The following JRK variants were observed in gnomAD, a reference collection of about 807,000 sequenced individuals.
JRK encodes jerky protein homolog.
For synonymous variants in JRK, 303 were observed against 218.1 expected, an observed-to-expected ratio of 1.39 and a Z score of -3.43; for missense variants, 720 against 509.2, an observed-to-expected ratio of 1.41 and a Z score of -3.98.
chr8:142,669,533 G>C (rs1000484877), intron 1 of JRK, among the ~76,000 whole-genome samples: 1 of 151,970 alleles, frequency 6.6e-6, no homozygotes, highest in Non-Finnish European at 1.5e-5. Context: ...AACAGAAATG[G>C]AGAAAAAAAA....
chr8:142,660,295 C>A lies in JRK; in HGVS notation c.*4057G>T. On this transcript the variant is annotated 3_prime_UTR_variant, in exon 2 of 2. Transcript: ENST00000612905. ...GCCCTGCCTCCCAGGCCACCACCCA[C>A]CCCTCACGGCTGCCACACCCACCAG... The A allele has an allele frequency of 1.1e-5, 11 of 985,734 alleles. No homozygotes were observed. Among genetic ancestry groups the A allele is most frequent in the Non-Finnish European group, 1.3e-5 (11 of 830,154 alleles). The allele number at this position is 985,734 out of a possible 1,614,324, so 61.1% of individuals were successfully genotyped here. A position where few individuals can be genotyped will look rare whatever the true frequency, so the allele number is the denominator to read the frequency against.
intron 1 of JRK, among the ~76,000 whole-genome samples, chr8:142,667,806 A>G (rs1310168245): frequency 1.3e-5 from 2 of 152,170 alleles, no homozygotes; most frequent in Admixed American, 1.3e-4. Context: ...ATATAAAGAC[A>G]ATGCGGGTCA....
downstream of JRK, among the ~76,000 whole-genome samples, chr8:142,657,098 T>C (rs1293724647): frequency 2.0e-5 from 3 of 152,200 alleles, no homozygotes; most frequent in African/African-American, 4.8e-5. Context: ...CTGGAAACTC[T>C]GCTCTCTCCT....
chr8:142,666,589 C>G, intron 1 of JRK, 69 bp from the exon 2 acceptor site: 1 of 208,830 alleles, frequency 4.8e-6, no homozygotes, highest in Non-Finnish European at 9.9e-6. Context: ...GTCCTCACGA[C>G]TCTCCTCACC....
At chr8:142,667,592 C>T (rs782771160) in intron 1 of JRK, among the ~76,000 whole-genome samples, 35 of 152,168 alleles carry the variant, frequency 2.3e-4, no homozygotes, top group Admixed American at 7.2e-4. Flanking sequence ...GACTAATTTA[C>T]GCCAGAAGCA....
rs587744464 is a variant in JRK at position 142,665,274 on chromosome 8, A to G, written c.785T>C (p.Val262Ala). The stretch of plus-strand genomic sequence containing the variant: ...CCAATCGGAAAAAATCTCCTTGTCC[A>G]CCCAGGCGTTCCCCTGGGCCTTATA... The part of the protein sequence containing the change: ...VAYKAQGNAW[V>A]DKEIFSDWFH... Residue 262 changes from valine (V) to alanine (A), a missense_variant, in exon 2 of 2, where the codon GTG becomes GCG. Coordinates refer to ENST00000612905, the MANE Select transcript of JRK (RefSeq NM_003724.4). The G allele has an allele frequency of 1.8e-5, 13 of 717,772 alleles. No individual in the cohort carries two copies. The African/African-American group carries it at 1.9e-4, about 11-fold the overall frequency. The allele number at this position is 717,772 out of a possible 1,614,324, so 44.5% of individuals were successfully genotyped here.
chr8:142,654,845 G>T (rs1846719698), downstream of JRK, among the ~76,000 whole-genome samples: 1 of 151,936 alleles, frequency 6.6e-6, no homozygotes, highest in South Asian at 2.1e-4. Flanking sequence ...CAGTGAAGAT[G>T]AGGCCAAGAG....
intron 1 of JRK, among the ~76,000 whole-genome samples, chr8:142,669,140 G>A (rs1382853943): frequency 6.6e-6 from 1 of 150,906 alleles, no homozygotes; most frequent in East Asian, 2.0e-4. Flanking sequence ...GGGGAAAGCG[G>A]GAAACAACCT....
downstream of JRK, among the ~76,000 whole-genome samples, chr8:142,652,584 A>T (rs1846686399): frequency 6.6e-6 from 1 of 151,544 alleles, no homozygotes. Context: ...TGAATAGGAG[A>T]CAGGGAGGGG....
downstream of JRK, among the ~76,000 whole-genome samples, chr8:142,653,049 T>C (rs1415718336): frequency 6.6e-6 from 1 of 152,200 alleles, no homozygotes; most frequent in Non-Finnish European, 1.5e-5. Flanking sequence ...TGAAGAGACC[T>C]CTGCAAAAAT....
chr8:142,664,589 C>T lies in JRK; in HGVS notation c.1470G>A (p.Ala490=), dbSNP rs587665250. Residue 490 remains alanine (A), a synonymous_variant, in exon 2 of 2, where the codon GCG becomes GCA. Transcript: ENST00000612905. Reference sequence around the variant, plus strand: ...GCAGGACTGCGTCAAAGGCCACGGCCGCCTGCTCCCAGGCCACCTCCTCGC... The same window carrying T: ...GCAGGACTGCGTCAAAGGCCACGGCTGCCTGCTCCCAGGCCACCTCCTCGC... ...GEGEEVAWEQ[A]AVAFDAVLRF... is the part of the protein sequence containing the mutation. 70 of 1,608,922 alleles carry T rather than the reference C, an allele frequency of 4.4e-5. No homozygotes were observed. In the East Asian group the frequency reaches 1.3e-3, roughly 31 times the overall value.
rs1399587996 is a variant in JRK at position 142,664,515 on chromosome 8, A to G, written c.1544T>C (p.Leu515Pro). 1 of 1,609,462 alleles carries G rather than the reference A, an allele frequency of 6.2e-7. No individual in the cohort carries two copies. The highest frequency in any genetic ancestry group is 8.5e-7 in the Non-Finnish European group (1 of 1,178,664). The change falls in exon 2 of 2, where the codon CTG becomes CCG. Residue 515 changes from leucine (L) to proline (P), a missense_variant. Coordinates refer to ENST00000612905, the MANE Select transcript of JRK (RefSeq NM_003724.4). Reference sequence around the variant, plus strand: ...CCGGAACACGGCACGCAGCGCCCGCAGCTGCCCCACTTCCTGCGCACTGAA... The same window carrying G: ...CCGGAACACGGCACGCAGCGCCCGCGGCTGCCCCACTTCCTGCGCACTGAA... ...PCFSAQEVGQLRALRAVFRSQ... is the reference protein window; with the variant it reads ...PCFSAQEVGQPRALRAVFRSQ...
In JRK at chr8:142,661,412, G is replaced by A. The variant is rs1292074716; in HGVS notation, c.*2940C>T. The A allele has an allele frequency of 1.1e-5, 11 of 985,330 alleles. No individual in the cohort carries two copies. Among genetic ancestry groups the A allele is most frequent in the South Asian group, 4.7e-5 (1 of 21,292 alleles). 61.0% of individuals were successfully genotyped at this position (985,330 alleles called of 1,614,324 possible). On this transcript the variant is annotated 3_prime_UTR_variant, in exon 2 of 2. Transcript: ENST00000612905. ...CTGTCCCGAGTGAGGACACAGGAGCGCCCTCAGGCCTGAGCACTCAGGGGT... is the reference window on the plus strand; with the variant it reads ...CTGTCCCGAGTGAGGACACAGGAGCACCCTCAGGCCTGAGCACTCAGGGGT...
downstream of JRK, among the ~76,000 whole-genome samples, chr8:142,656,762 G>C (rs1846761388): frequency 6.6e-6 from 1 of 152,168 alleles, no homozygotes; most frequent in Admixed American, 6.5e-5. Context: ...GTTTGGGGTG[G>C]GGACAACGCT....
Position 142,658,985 on chromosome 8 carries a change from G to C in JRK, c.*5367C>G. ...TTTGCTGCTTCATGGAGGAGCGTCA[G>C]TATGTCCACACCATAGGGGTGTAGT... On this transcript the variant is annotated 3_prime_UTR_variant, in exon 2 of 2. Transcript: ENST00000612905. The C allele has an allele frequency of 6.3e-7, 1 of 1,598,316 alleles. No individual in the cohort carries two copies.
Position 142,666,204 on chromosome 8 carries a change from G to T in JRK, c.-146C>A. 1.4e-6 allele frequency: 2 copies of T among 1,409,728 alleles called. No homozygotes were observed. Among genetic ancestry groups the T allele is most frequent in the South Asian group, 2.6e-5 (2 of 77,254 alleles). 87.3% of individuals were successfully genotyped at this position (1,409,728 alleles called of 1,614,324 possible). A position where few individuals can be genotyped will look rare whatever the true frequency, so the allele number is the denominator to read the frequency against. On this transcript the variant is annotated 5_prime_UTR_variant, in exon 2 of 2. Coordinates refer to ENST00000612905, the MANE Select transcript of JRK (RefSeq NM_003724.4). The stretch of plus-strand genomic sequence containing the variant: ...CCTGCTCTGCTGATCCTGAGCACAG[G>T]CCCCAGTCCCTCTCGGGTTTCTCAC...
chr8:142,666,558 CGCGCCCAG>C, intron 1 of JRK, 38 bp from the exon 2 acceptor site: 3 of 241,900 alleles, frequency 1.2e-5, no homozygotes, highest in South Asian at 6.4e-5. Context: ...AGTGATGGGG[CGCGCCCAG>C]GACACACATG....
rs1847132342 is a variant in JRK at position 142,666,503 on chromosome 8, G to A, written c.-445C>T. The A allele has an allele frequency of 3.5e-6, 1 of 285,194 alleles. No homozygotes were observed. The highest frequency in any genetic ancestry group is 2.2e-5 in the African/African-American group (1 of 45,818). 17.7% of individuals were successfully genotyped at this position (285,194 alleles called of 1,614,324 possible). ...TCCAGGGTCCACAATGGTATCTCCAGGCACAGCACTTCAGGGGCTGGAAAG... is the reference window on the plus strand; with the variant it reads ...TCCAGGGTCCACAATGGTATCTCCAAGCACAGCACTTCAGGGGCTGGAAAG... On this transcript the variant is annotated 5_prime_UTR_variant, in exon 2 of 2. Coordinates refer to ENST00000612905, the MANE Select transcript of JRK (RefSeq NM_003724.4).
In JRK at chr8:142,662,031, G is replaced by A; in HGVS notation, c.*2321C>T. On this transcript the variant is annotated 3_prime_UTR_variant, in exon 2 of 2. Coordinates refer to ENST00000612905, the MANE Select transcript of JRK (RefSeq NM_003724.4). Reference sequence around the variant, plus strand: ...GAGGAGGGGCTGCAGGAGGAGCAGGGCCCGAGTCCCCTGGGTGGCACAAGG... The same window carrying A: ...GAGGAGGGGCTGCAGGAGGAGCAGGACCCGAGTCCCCTGGGTGGCACAAGG... 1.0e-6 allele frequency: 1 copy of A among 985,480 alleles called. No homozygotes were observed. Among genetic ancestry groups the A allele is most frequent in the Non-Finnish European group, 1.2e-6 (1 of 829,996 alleles). The allele number at this position is 985,480 out of a possible 1,614,324, so 61.0% of individuals were successfully genotyped here.
Sources: allele counts gnomAD v4.1 joint callset (sites outside exome capture counted in the v4.1 genomes callset), GRCh38; gene constraint gnomAD v4.1.1; transcripts MANE v1.5; gene names NCBI Gene and HGNC (gene_info 2026-07-23, HGNC 2026-07-21).